Variants in DSG1 observed in about 807,000 individuals in gnomAD.
DSG1 encodes the protein desmoglein 1, also known as desmoglein-1.
In DSG1, 39 loss-of-function variants were observed where a neutral mutation model predicts 97.5. The observed-to-expected ratio is 0.40, with a 90% confidence interval of 0.31 to 0.52. The LOEUF (loss-of-function observed/expected upper bound fraction) is 0.52, where lower values mean the gene tolerates loss of function less well. Among genes scored for constraint, DSG1 ranks in the 20% least tolerant of loss-of-function variants. The pLI, the probability that DSG1 is intolerant of heterozygous loss-of-function variation, is 0.53. For synonymous variants in DSG1, 475 were observed against 443.4 expected (o/e 1.07, Z -0.90); for missense variants, 1,311 against 1,295.4 (o/e 1.01, Z -0.18).
intron 8 of DSG1, among the ~76,000 whole-genome samples, chr18:31,335,394 C>T (rs751941448): frequency 6.6e-6 from 1 of 152,116 alleles, no homozygotes. Flanking sequence ...TTGCCCCAAA[C>T]TATTATATTA....
intron 6 of DSG1, among the ~76,000 whole-genome samples, chr18:31,332,774 A>T (rs929836202): frequency 6.6e-6 from 1 of 152,172 alleles, no homozygotes; most frequent in Non-Finnish European, 1.5e-5. Flanking sequence ...ACAAGTTTCT[A>T]TGTTACCTAA....
chr18:31,354,089 G>A, intron 14 of DSG1: 2 of 570,488 alleles, frequency 3.5e-6, no homozygotes, highest in Non-Finnish European at 6.2e-6. Context: ...TAAAATCATA[G>A]TATTAGAATT....
chr18:31,336,240 T>G, intron 8 of DSG1, 114 bp from the exon 9 acceptor site: 1 of 880,278 alleles, frequency 1.1e-6, no homozygotes, highest in Non-Finnish European at 1.7e-6. Context: ...TTGTGTGCAT[T>G]TGTGTTTCAT....
rs2071687161 is a variant in DSG1 at position 31,326,561 on chromosome 18, GATTATCTT to G, written c.49-16_49-9del. Reference sequence around the variant, plus strand: ...CATTTAATTAAAAAATAACTAGTGTGATTATCTTATTTTTTACAGGTGGTGGTAGAAGT... The same window carrying G: ...CATTTAATTAAAAAATAACTAGTGTGATTTTTTACAGGTGGTGGTAGAAGT... On this transcript the variant is annotated splice_polypyrimidine_tract_variant and intron_variant, in intron 1 of 14. Transcript: ENST00000257192. The G allele has an allele frequency of 7.7e-6, 12 of 1,563,498 alleles. No homozygotes were observed. The highest frequency in any genetic ancestry group is 1.1e-5 in the Non-Finnish European group (12 of 1,135,376).
At position 31,324,691 on chromosome 18, in the gene DSG1, G is replaced by C. The variant is rs576590159; in HGVS notation, c.49-1890G>C. ...CAAGCCCTGCCAATGCTATGCTGCA[G>C]TATCCCTTGATCTTTCCCCATCCAT... On this transcript the variant is annotated intron_variant, in intron 1 of 14. Coordinates refer to ENST00000257192, the MANE Select transcript of DSG1 (RefSeq NM_001942.4). Among the ~76,000 whole-genome samples, 3 of 152,240 alleles carry C rather than the reference G, an allele frequency of 2.0e-5. No homozygotes were observed. The South Asian group carries it at 6.2e-4, about 32-fold the overall frequency.
chr18:31,333,232 G>A (rs980579845), intron 6 of DSG1, among the ~76,000 whole-genome samples: 1 of 152,042 alleles, frequency 6.6e-6, no homozygotes, highest in Non-Finnish European at 1.5e-5. Flanking sequence ...TTGCACACTC[G>A]GGGGCTGATT....
rs1188954531 is a variant in DSG1, at chr18:31,354,487, G to T, written c.2291G>T (p.Gly764Val). 3.7e-6 allele frequency: 6 copies of T among 1,614,032 alleles called. No homozygotes were observed. The highest frequency in any genetic ancestry group is 1.3e-5 in the African/African-American group (1 of 74,908). ...KFKKLADISLGKESYPDLDPS... is the reference protein window; with the variant it reads ...KFKKLADISLVKESYPDLDPS... Reference sequence around the variant, plus strand: ...AAGAAGTTGGCAGACATCAGCCTAGGAAAAGAATCATATCCAGACCTTGAT... The same window carrying T: ...AAGAAGTTGGCAGACATCAGCCTAGTAAAAGAATCATATCCAGACCTTGAT... Residue 764 changes from glycine to valine, a missense_variant, in exon 15 of 15, where the codon GGA (glycine) becomes GTA (valine). This residue lies in a region of DSG1 where 1,038 missense variants were observed against 964.6 expected (regional missense o/e 1.08). Transcript: ENST00000257192.
intron 8 of DSG1, 148 bp downstream of exon 8, chr18:31,334,350 T>C: frequency 1.7e-6 from 1 of 573,786 alleles, no homozygotes; most frequent in Admixed American, 3.2e-5. Flanking sequence ...AACATAGAGC[T>C]TTTTAATATA....
At chr18:31,341,068 TAAAGGTAG>T (rs2071786101) in intron 11 of DSG1, among the ~76,000 whole-genome samples, 6 of 152,192 alleles carry the variant, frequency 3.9e-5, no homozygotes, top group African/African-American at 7.2e-5. Flanking sequence ...GGTCTAGCTA[TAAAGGTAG>T]AATCCAGTGG....
chr18:31,354,458 A>G lies in DSG1; in HGVS notation c.2262A>G (p.Lys754=), dbSNP rs750065956. ...GCTTCTTGGATACCCTGGGACCTAA[A>G]TTTAAGAAGTTGGCAGACATCAGCC... The part of the protein sequence containing the change: ...DDSFLDTLGP[K]FKKLADISLG... The change falls in exon 15 of 15, where the codon AAA becomes AAG. Residue 754 remains lysine (K), a synonymous_variant. Coordinates refer to ENST00000257192, the MANE Select transcript of DSG1 (RefSeq NM_001942.4). 5.6e-6 allele frequency: 9 copies of G among 1,614,066 alleles called. No homozygotes were observed. The highest frequency in any genetic ancestry group is 6.8e-6 in the Non-Finnish European group (8 of 1,180,046).
intron 5 of DSG1, among the ~76,000 whole-genome samples, chr18:31,330,311 G>A (rs1416420119): frequency 1.3e-5 from 2 of 152,080 alleles, no homozygotes; most frequent in Non-Finnish European, 2.9e-5. Flanking sequence ...CACAATGGTG[G>A]CAGAGGCATC....
At chr18:31,335,438 T>C (rs2071745796) in intron 8 of DSG1, among the ~76,000 whole-genome samples, 1 of 152,102 alleles carries the variant, frequency 6.6e-6, no homozygotes, top group Non-Finnish European at 1.5e-5. Flanking sequence ...CTGTCCTCAA[T>C]ATCTCTATCT....
chr18:31,353,362 G>A (rs1384828362), intron 14 of DSG1, among the ~76,000 whole-genome samples: 4 of 150,916 alleles, frequency 2.7e-5, no homozygotes, highest in Non-Finnish European at 5.9e-5. Context: ...GAGAACCACT[G>A]CTCTCTTCAA....
intron 1 of DSG1, among the ~76,000 whole-genome samples, chr18:31,324,517 C>G (rs1455898239): frequency 6.6e-6 from 1 of 152,140 alleles, no homozygotes; most frequent in Admixed American, 6.5e-5. Flanking sequence ...AATTGCTGAT[C>G]ATCTTCACCC....
At position 31,355,321 on chromosome 18, in the gene DSG1, A is replaced by G; in HGVS notation, c.3125A>G (p.Tyr1042Cys). The change falls in exon 15 of 15, where the codon TAT becomes TGT. Residue 1042 changes from tyrosine to cysteine, a missense_variant. Physicochemically the swap from Tyr to Cys is radical, Grantham distance 194. Transcript: ENST00000257192. Reference protein sequence around the residue: ...PSTARSRITKYSTVQYSK With the variant: ...PSTARSRITKCSTVQYSK ...ACAGCTCGAAGTCGAATCACAAAGT[A>G]TAGTACCGTGCAATATAGCAAGTAG... 1 of 1,614,198 alleles carries G rather than the reference A, an allele frequency of 6.2e-7. No homozygotes were observed. The highest frequency in any genetic ancestry group is 8.5e-7 in the Non-Finnish European group (1 of 1,180,024).
chr18:31,354,254 T>C, intron 14 of DSG1, 43 bp from the exon 15 acceptor site: 1 of 1,526,930 alleles, frequency 6.5e-7, no homozygotes, highest in South Asian at 1.1e-5. Context: ...TATTGTTAAA[T>C]ATGCATTCAT....
In DSG1 at chr18:31,354,531, A is replaced by G; in HGVS notation, c.2335A>G (p.Ser779Gly). ...PDLDPSWPPQ[S>G]TEPVCLPQET... is the part of the protein sequence containing the mutation. ...CCTTGATCCTTCTTGGCCACCACAA[A>G]GCACTGAACCAGTTTGCCTTCCTCA... The change falls in exon 15 of 15, where the codon AGC (serine) becomes GGC (glycine). Residue 779 changes from serine (S) to glycine (G), a missense_variant. Ser to Gly is a moderately conservative substitution (Grantham distance 56). Transcript: ENST00000257192. The G allele has an allele frequency of 6.2e-7, 1 of 1,614,168 alleles. No individual in the cohort carries two copies. Among genetic ancestry groups the G allele is most frequent in the Non-Finnish European group, 8.5e-7 (1 of 1,180,030 alleles).
At chr18:31,326,766 T>A in intron 2 of DSG1, 108 bp from the exon 3 acceptor site, 1 of 1,431,064 alleles carries the variant, frequency 7.0e-7, no homozygotes, top group South Asian at 1.2e-5. Flanking sequence ...ATTTTCCCAA[T>A]TAAACATCCT....
At chr18:31,329,792 A>G (rs2071709318) in intron 4 of DSG1, 100 bp from the exon 5 acceptor site, 1 of 1,430,702 alleles carries the variant, frequency 7.0e-7, no homozygotes, top group African/African-American at 1.4e-5. Context: ...AAGTAGACAT[A>G]ATAATTCTTT....
Sources: allele counts gnomAD v4.1 joint callset (sites outside exome capture counted in the v4.1 genomes callset), GRCh38; gene constraint gnomAD v4.1.1; regional missense constraint gnomAD v4.1.1; transcripts MANE v1.5; gene names NCBI Gene and HGNC (gene_info 2026-07-23, HGNC 2026-07-21).